Variants in UNC80 observed in about 807,000 individuals in gnomAD.
UNC80 encodes unc-80 subunit of NALCN channel complex.
UNC80 carries 164 observed loss-of-function variants against 384.6 expected under a neutral mutation model. The observed-to-expected ratio is 0.43, with a 90% CI of 0.38 to 0.49. The LOEUF is 0.49. UNC80 is among the 20% of genes least tolerant of loss of function. UNC80 has a pLI of 0.00. For missense variants in UNC80, 3,330 were observed against 4,143.0 expected (o/e 0.80, Z 5.39); for synonymous variants, 1,486 against 1,527.8 (o/e 0.97, Z 0.64).
chr2:209,837,499 T>C (rs982035882), intron 18 of UNC80, among the ~76,000 whole-genome samples: 2 of 152,182 alleles, frequency 1.3e-5, no homozygotes, highest in African/African-American at 4.8e-5. Flanking sequence ...CACTCAGACA[T>C]GTGGCCACAT....
Position 209,825,911 on chromosome 2 carries a change from A to G in UNC80, c.2336A>G (p.Glu779Gly), listed in dbSNP as rs1277176687. The change falls in exon 14 of 65, where the codon GAA becomes GGA. Residue 779 changes from glutamate (E) to glycine (G), a missense_variant. Physicochemically the swap from Glu to Gly is moderately conservative, Grantham distance 98 (BLOSUM62 -2). Transcript: ENST00000673920. ...TTTCTCATTCGTGGGTACCAGGATG[A>G]AAGTACACCTGTAAGCAACCATAGG... ...EKNDKNQEKD[E>G]STPVSNHRLA... The G allele has an allele frequency of 6.5e-7, 1 of 1,537,282 alleles. No individual in the cohort carries two copies. Among genetic ancestry groups the G allele is most frequent in the Admixed American group, 2.1e-5 (1 of 48,046 alleles).
rs1045902437 is a variant in UNC80 at position 209,995,953 on chromosome 2, A to C, written c.*358A>C. On this transcript the variant is annotated 3_prime_UTR_variant, in exon 65 of 65. Transcript: ENST00000673920. ...ACAAATGATATGATCTAAAAATAGA[A>C]TGCAATTTTTTGAGATTACTCACAT... 2.3e-5 allele frequency: 4 copies of C among 171,300 alleles called. No individual in the cohort carries two copies. The highest frequency in any genetic ancestry group is 1.3e-5 in the Non-Finnish European group (1 of 79,546). The allele number at this position is 171,300 out of a possible 1,614,324, so 10.6% of individuals were successfully genotyped here.
chr2:209,977,608 T>C lies in UNC80; in HGVS notation c.8938+530T>C, dbSNP rs1238523882. ...CTACTGTCACATAGAAAGTGATTATTGTAAGGGGATTTTTCAGCCAGATCT... is the reference window on the plus strand; with the variant it reads ...CTACTGTCACATAGAAAGTGATTATCGTAAGGGGATTTTTCAGCCAGATCT... On this transcript the variant is annotated intron_variant, in intron 58 of 64. Transcript: ENST00000673920. Among the ~76,000 whole-genome samples the C allele has an allele frequency of 5.3e-5, 8 of 152,212 alleles. No individual in the cohort carries two copies. In the East Asian group the frequency reaches 9.6e-4, roughly 18 times the overall value.
Position 209,984,896 on chromosome 2 carries a change from G to T in UNC80, c.9298G>T (p.Glu3100Ter). The T allele has an allele frequency of 6.4e-7, 1 of 1,550,470 alleles. No individual in the cohort carries two copies. Among genetic ancestry groups the T allele is most frequent in the Non-Finnish European group, 8.7e-7 (1 of 1,146,630 alleles). The change falls in exon 61 of 65, where the codon GAG (glutamate) becomes TAG (stop). Residue 3100 changes from glutamate (E) to a stop codon, truncating the protein, a stop_gained. Coordinates refer to ENST00000673920, the MANE Select transcript of UNC80 (RefSeq NM_001371986.1). LOFTEE classifies it high-confidence loss of function. ...CGATGACTCCCAGGGCCTGGCCGCC[G>T]AGGGCAGCCTCTCTAGGTACAGTGT... is the stretch of plus-strand genomic sequence containing the variant. ...VLDDSQGLAA[E>*]GSLSRVASIQ...
chr2:209,950,856 C>T (rs1262541455), intron 47 of UNC80, among the ~76,000 whole-genome samples: 1 of 146,502 alleles, frequency 6.8e-6, no homozygotes, highest in African/African-American at 2.5e-5. Context: ...CCGCACCCAG[C>T]TGGATTTTTT....
chr2:209,815,171 A>T (rs2079641468), intron 8 of UNC80, 86 bp from the exon 9 acceptor site: 1 of 1,354,024 alleles, frequency 7.4e-7, no homozygotes, highest in Non-Finnish European at 1.0e-6. Context: ...CTATAGGCGC[A>T]TCCCTATTAA....
At chr2:209,900,434 A>G (rs1332185318) in intron 28 of UNC80, among the ~76,000 whole-genome samples, 1 of 152,138 alleles carries the variant, frequency 6.6e-6, no homozygotes, top group Non-Finnish European at 1.5e-5. Context: ...TTGGGACACC[A>G]TGAACCACAC....
At position 209,813,605 on chromosome 2, in the gene UNC80, C is replaced by G; in HGVS notation, c.964C>G (p.Gln322Glu). 6.4e-7 allele frequency: 1 copy of G among 1,551,702 alleles called. No homozygotes were observed. Among genetic ancestry groups the G allele is most frequent in the Non-Finnish European group, 8.7e-7 (1 of 1,146,984 alleles). Reference sequence around the variant, plus strand: ...GGCCTCTCTTGTGATACCTCCGTGCCAAAGGTCCCGCTATGCCACCTACTT... The same window carrying G: ...GGCCTCTCTTGTGATACCTCCGTGCGAAAGGTCCCGCTATGCCACCTACTT... ...SRASLVIPPC[Q>E]RSRYATYFDV... Residue 322 changes from glutamine to glutamate, a missense_variant, in exon 8 of 65, where the codon CAA (glutamine) becomes GAA (glutamate). Physicochemically the swap from Gln to Glu is conservative, Grantham distance 29. This residue lies in a region of UNC80 where 937 missense variants were observed against 1,026.8 expected (regional missense o/e 0.91). Transcript: ENST00000673920.
At chr2:209,850,895 A>T (rs889568844) in intron 22 of UNC80, among the ~76,000 whole-genome samples, 2 of 152,100 alleles carry the variant, frequency 1.3e-5, no homozygotes, top group South Asian at 2.1e-4. Flanking sequence ...CCTGTTTTCT[A>T]GGTGGGATAG....
intron 24 of UNC80, among the ~76,000 whole-genome samples, chr2:209,879,937 A>G (rs1275499052): frequency 6.6e-6 from 1 of 152,252 alleles, no homozygotes; most frequent in Non-Finnish European, 1.5e-5. Context: ...GAAATCGTGA[A>G]GTATGTATTC....
At chr2:209,826,082 C>A in intron 14 of UNC80, 29 bp downstream of exon 14, 3 of 1,533,656 alleles carry the variant, frequency 2.0e-6, no homozygotes, top group Non-Finnish European at 1.8e-6. Context: ...ATTCCATTTC[C>A]TCTCCCTCTT....
At chr2:209,971,802 C>T (rs185463310) in intron 54 of UNC80, among the ~76,000 whole-genome samples, 1 of 152,340 alleles carries the variant, frequency 6.6e-6, no homozygotes, top group Admixed American at 6.5e-5. Flanking sequence ...TGAAGAAGGC[C>T]TTTCATGGCA....
At position 209,917,862 on chromosome 2, in the gene UNC80, G is replaced by A; in HGVS notation, c.5115G>A (p.Val1705=). 6.4e-7 allele frequency: 1 copy of A among 1,552,024 alleles called. No homozygotes were observed. Among genetic ancestry groups the A allele is most frequent in the Non-Finnish European group, 8.7e-7 (1 of 1,147,038 alleles). The change falls in exon 32 of 65, where the codon GTG becomes GTA. Residue 1705 remains valine, a synonymous_variant. Coordinates refer to ENST00000673920, the MANE Select transcript of UNC80 (RefSeq NM_001371986.1). The stretch of plus-strand genomic sequence containing the variant: ...CAGAGTTCCACCACCCGGAGACTGT[G>A]CAGAGGCTGAACGCTGTCCTCAAGT... ...LMSEFHHPET[V]QRLNAVLKFH...
Position 209,773,162 on chromosome 2 carries a change from T to TCTGTGTGGTGGTTTG in UNC80, c.141+20_141+21insCTGTGTGGTGGTTTG. ...TGTGTGGTATGTGATTTTCACCATT[T>TCTGTGTGGTGGTTTG]AATAATTATTTCCCTATTCTGTGTG... On this transcript the variant is annotated intron_variant, in intron 2 of 64. Transcript: ENST00000673920. 1 of 1,607,194 alleles carries TCTGTGTGGTGGTTTG rather than the reference T, an allele frequency of 6.2e-7. No individual in the cohort carries two copies.
At chr2:209,808,767 T>TTCTGCGCTACCCAGCGACCTCGTTGCC in intron 7 of UNC80, 1 of 59,208 alleles carries the variant, frequency 1.7e-5, no homozygotes, top group Non-Finnish European at 2.9e-5. Context: ...CCTGCGCTAC[T>TTCTGCGCTACCCAGCGACCTCGTTGCC]TCTGCGCTAC....
chr2:209,925,053 A>G (rs1259134913), intron 35 of UNC80, among the ~76,000 whole-genome samples: 1 of 151,918 alleles, frequency 6.6e-6, no homozygotes, highest in East Asian at 1.9e-4. Flanking sequence ...GGTGAGTAGG[A>G]CAAGTTAAAA....
intron 29 of UNC80, among the ~76,000 whole-genome samples, chr2:209,911,390 C>G (rs1205466115): frequency 6.6e-6 from 1 of 152,146 alleles, no homozygotes; most frequent in Non-Finnish European, 1.5e-5. Flanking sequence ...AATATGTGTT[C>G]CCACATATGC....
intron 28 of UNC80, among the ~76,000 whole-genome samples, chr2:209,902,517 C>G (rs1348845392): frequency 6.6e-6 from 1 of 152,060 alleles, no homozygotes; most frequent in African/African-American, 2.4e-5. Flanking sequence ...ATGAAAAGAA[C>G]AGTCAATTAA....
At chr2:209,985,019 T>C (rs1164643694) in intron 61 of UNC80, 107 bp downstream of exon 61, 3 of 968,426 alleles carry the variant, frequency 3.1e-6, no homozygotes, top group Non-Finnish European at 4.5e-6. Flanking sequence ...CCCGTCTTAA[T>C]ATCTATTTCC....
Sources: allele counts gnomAD v4.1 joint callset (sites outside exome capture counted in the v4.1 genomes callset), GRCh38; gene constraint gnomAD v4.1.1; regional missense constraint gnomAD v4.1.1; transcripts MANE v1.5; gene names NCBI Gene and HGNC (gene_info 2026-07-23, HGNC 2026-07-21).